MARCHF3: variants seen among roughly 807,000 people sequenced by gnomAD.
MARCHF3 encodes membrane associated ring-CH-type finger 3.
MARCHF3 carries 13 observed loss-of-function variants against 24.2 expected under a neutral mutation model. The observed-to-expected ratio is 0.54, with a 90% CI of 0.35 to 0.85. The LOEUF (loss-of-function observed/expected upper bound fraction) is 0.85. MARCHF3 is among the 40% of genes least tolerant of loss of function. MARCHF3 has a pLI of 0.01. For synonymous variants in MARCHF3, 144 were observed against 137.3 expected, an observed-to-expected ratio of 1.05 and a Z score of -0.34; for missense variants, 276 against 325.0, an observed-to-expected ratio of 0.85 and a Z score of 1.16.
At position 126,934,724 on chromosome 5, in the gene MARCHF3, A is replaced by G. The variant is rs150791916; in HGVS notation, c.-56-16497T>C. On this transcript the variant is annotated intron_variant, in intron 1 of 4. Transcript: ENST00000308660. Reference sequence around the variant, plus strand: ...GAAGAAAGGAAGGAAGAGGGGGAAGAAAGAAAAAGAAAAAATAAATGACGA... The same window carrying G: ...GAAGAAAGGAAGGAAGAGGGGGAAGGAAGAAAAAGAAAAAATAAATGACGA... Among the ~76,000 whole-genome samples the G allele has an allele frequency of 7.2e-5, 11 of 152,332 alleles. No individual in the cohort carries two copies. The East Asian group carries it at 2.1e-3, about 29-fold the overall frequency.
chr5:126,934,553 T>C (rs2064248260), intron 1 of MARCHF3, among the ~76,000 whole-genome samples: 2 of 152,112 alleles, frequency 1.3e-5, no homozygotes, highest in Non-Finnish European at 1.5e-5. Context: ...TCTGAACTCT[T>C]AACTTAGTAA....
chr5:126,889,127 T>G lies in MARCHF3; in HGVS notation c.394-10733A>C, dbSNP rs115394271. ...TCCCCTGATCTTGCTTCATTTTAAT[T>G]CTTACTGGCCCCCAGACTGGAAGGT... On this transcript the variant is annotated intron_variant, in intron 3 of 4. Transcript: ENST00000308660. Among the ~76,000 whole-genome samples the G allele has an allele frequency of 9.7e-3, 1,480 of 152,186 alleles. 17 individuals are homozygous for G. The highest frequency in any genetic ancestry group is 0.034 in the African/African-American group (1,411 of 41,510).
At chr5:126,922,086 G>T (rs1167296313) in intron 1 of MARCHF3, among the ~76,000 whole-genome samples, 1 of 152,198 alleles carries the variant, frequency 6.6e-6, no homozygotes, top group African/African-American at 2.4e-5. Flanking sequence ...GATTTCCATG[G>T]GAACATGGCT....
chr5:126,956,660 A>AAAAC (rs1750454568), intron 1 of MARCHF3, among the ~76,000 whole-genome samples: 2 of 140,606 alleles, frequency 1.4e-5, no homozygotes, highest in African/African-American at 5.0e-5. Flanking sequence ...AAAAAAAAAA[A>AAAAC]AAAAAAAAAA....
At chr5:126,871,716 T>C (rs960967885) in intron 4 of MARCHF3, among the ~76,000 whole-genome samples, 2 of 151,858 alleles carry the variant, frequency 1.3e-5, no homozygotes, top group African/African-American at 4.8e-5. Context: ...CTCTCTCTTT[T>C]TTTTTTTTTT....
intron 3 of MARCHF3, among the ~76,000 whole-genome samples, chr5:126,909,473 C>T (rs1046676302): frequency 6.6e-6 from 1 of 152,240 alleles, no homozygotes; most frequent in African/African-American, 2.4e-5. Context: ...ATCAGCGACA[C>T]TCCGTGGGCG....
intron 1 of MARCHF3, among the ~76,000 whole-genome samples, chr5:127,010,714 A>G (rs1752444134): frequency 6.6e-6 from 1 of 152,210 alleles, no homozygotes. Flanking sequence ...TTTTCCACTG[A>G]GGAATATTAT....
At chr5:126,918,467 T>C (rs112815742) in intron 1 of MARCHF3, among the ~76,000 whole-genome samples, 178 of 152,250 alleles carry the variant, frequency 1.2e-3, no homozygotes, top group Non-Finnish European at 1.6e-3. Flanking sequence ...TATATAAACA[T>C]TTAGCAGCCC....
intron 1 of MARCHF3, among the ~76,000 whole-genome samples, chr5:126,929,213 T>G (rs1412384558): frequency 6.6e-6 from 1 of 152,202 alleles, no homozygotes; most frequent in Non-Finnish European, 1.5e-5. Context: ...TGTCTTCTTG[T>G]GTTACCATTT....
chr5:126,885,278 A>G (rs1047770781), intron 3 of MARCHF3, among the ~76,000 whole-genome samples: 3 of 152,216 alleles, frequency 2.0e-5, no homozygotes, highest in African/African-American at 7.2e-5. Context: ...AACAAAAATG[A>G]ATGAATAGGC....
At chr5:126,921,585 G>C (rs1438732188) in intron 1 of MARCHF3, among the ~76,000 whole-genome samples, 1 of 152,208 alleles carries the variant, frequency 6.6e-6, no homozygotes, top group Non-Finnish European at 1.5e-5. Context: ...GTTTGCAGTC[G>C]AGCATGGGTC....
chr5:127,021,082 A>G (rs1752791162), intron 1 of MARCHF3, among the ~76,000 whole-genome samples: 1 of 152,126 alleles, frequency 6.6e-6, no homozygotes, highest in South Asian at 2.1e-4. Flanking sequence ...TCTATTTGTT[A>G]CAGCAACCCA....
rs1015789477 is a variant in MARCHF3 at position 126,869,464 on chromosome 5, A to G, written c.*1169T>C. The G allele has an allele frequency of 1.3e-5, 2 of 151,874 alleles. No homozygotes were observed. The highest frequency in any genetic ancestry group is 1.3e-4 in the Admixed American group (2 of 15,228). 9.4% of individuals were successfully genotyped at this position (151,874 alleles called of 1,614,324 possible). On this transcript the variant is annotated 3_prime_UTR_variant, in exon 5 of 5. Coordinates refer to ENST00000308660, the MANE Select transcript of MARCHF3 (RefSeq NM_178450.5). ...AGAGGGACACGAAACCCTTAGAAAA[A>G]GTCTATTTCGGACTGTGACAGAATT...
chr5:126,961,625 T>C (rs1750641030), intron 1 of MARCHF3, among the ~76,000 whole-genome samples: 1 of 152,192 alleles, frequency 6.6e-6, no homozygotes, highest in African/African-American at 2.4e-5. Flanking sequence ...AAAATTCAAA[T>C]TATAATTCCA....
intron 1 of MARCHF3, among the ~76,000 whole-genome samples, chr5:127,018,840 A>G (rs1752707705): frequency 6.6e-6 from 1 of 152,234 alleles, no homozygotes. Context: ...GCCACTTTGT[A>G]GCTATGTGAC....
intron 1 of MARCHF3, among the ~76,000 whole-genome samples, chr5:126,980,344 CT>C: frequency 6.6e-6 from 1 of 151,706 alleles, no homozygotes; most frequent in East Asian, 1.9e-4. Flanking sequence ...TATGTAGAAT[CT>C]CTTGAGTTTG....
rs368895830 is a variant in MARCHF3 at position 126,879,109 on chromosome 5, A to G, written c.394-715T>C. ...ACTAAAGCTCAGGTGAGCTTCCCAG[A>G]TTGGCAAATACTTCGCCCATGTTGT... On this transcript the variant is annotated intron_variant, in intron 3 of 4. Coordinates refer to ENST00000308660, the MANE Select transcript of MARCHF3 (RefSeq NM_178450.5). 3.3e-5 allele frequency among the ~76,000 whole-genome samples: 5 copies of G among 152,302 alleles called. No individual in the cohort carries two copies. In the South Asian group the frequency reaches 1.0e-3, roughly 32 times the overall value.
chr5:126,973,330 A>G (rs947676764), intron 1 of MARCHF3, among the ~76,000 whole-genome samples: 16 of 152,216 alleles, frequency 1.1e-4, no homozygotes, highest in African/African-American at 3.9e-4. Flanking sequence ...TTTGCATGCT[A>G]GGTTGCACTA....
chr5:126,895,537 A>G (rs966574065), intron 3 of MARCHF3, among the ~76,000 whole-genome samples: 2 of 152,018 alleles, frequency 1.3e-5, no homozygotes, highest in South Asian at 2.1e-4. Flanking sequence ...GACAGACAGG[A>G]CCCTCAGCTG....
Sources: allele counts gnomAD v4.1 joint callset (sites outside exome capture counted in the v4.1 genomes callset), GRCh38; gene constraint gnomAD v4.1.1; transcripts MANE v1.5; gene names NCBI Gene and HGNC (gene_info 2026-07-23, HGNC 2026-07-21).